CWH43: variants seen among roughly 807,000 people sequenced by gnomAD.
The protein encoded by CWH43 is cell wall biogenesis 43 C-terminal homolog.
In CWH43, 91 loss-of-function variants were observed where a neutral mutation model predicts 85.7. That is an observed-to-expected ratio of 1.06 (90% confidence interval 0.90 to 1.26). The LOEUF (loss-of-function observed/expected upper bound fraction) is 1.26. CWH43 is among the 50% of genes most tolerant of loss of function. The pLI, the probability that CWH43 is intolerant of heterozygous loss-of-function variation, is 0.00. For synonymous variants in CWH43, 323 were observed against 293.6 expected (o/e 1.10, Z -1.02); for missense variants, 869 against 839.2 (o/e 1.04, Z -0.44).
At chr4:49,021,443 T>G (rs184406094) in intron 9 of CWH43, among the ~76,000 whole-genome samples, 11 of 152,350 alleles carry the variant, frequency 7.2e-5, no homozygotes, top group African/African-American at 2.2e-4. Flanking sequence ...CATGCTGTTT[T>G]TGTGACTAGG....
intron 9 of CWH43, among the ~76,000 whole-genome samples, chr4:49,022,627 C>T (rs1474922114): frequency 7.2e-5 from 11 of 152,130 alleles, no homozygotes; most frequent in Admixed American, 7.2e-4. Context: ...GGATTGGTAC[C>T]AATTCTTCTT....
chr4:49,044,745 CT>C (rs1440539313), intron 13 of CWH43, 40 bp from the exon 14 acceptor site: 1 of 1,554,874 alleles, frequency 6.4e-7, no homozygotes, highest in East Asian at 2.2e-5. Flanking sequence ...TAGAGCTTTG[CT>C]TTTTATGCTT....
chr4:49,047,424 T>C (rs185442221), intron 14 of CWH43, among the ~76,000 whole-genome samples: 62 of 152,138 alleles, frequency 4.1e-4, no homozygotes, highest in African/African-American at 1.4e-3. Flanking sequence ...TTTTAGAAGA[T>C]GATGAGAGTG....
chr4:49,043,453 A>G lies in CWH43; in HGVS notation c.1804-1333A>G, dbSNP rs148093888. On this transcript the variant is annotated intron_variant, in intron 13 of 15. Transcript: ENST00000226432. ...TATTAAGGAAGGAGAATTTGATTTG[A>G]TTTTCATCTAATCCTCTCTTGGTTT... Among the ~76,000 whole-genome samples, 33 of 152,282 alleles carry G rather than the reference A, an allele frequency of 2.2e-4. No homozygotes were observed. The South Asian group carries it at 4.1e-3, about 19-fold the overall frequency.
chr4:49,000,831 C>A (rs1397607897), intron 6 of CWH43, among the ~76,000 whole-genome samples: 1 of 92,496 alleles, frequency 1.1e-5, no homozygotes, highest in Non-Finnish European at 3.1e-5. Context: ...TAAATAGTAG[C>A]TTTAAAGACT....
At chr4:49,043,114 T>A (rs542363513) in intron 13 of CWH43, among the ~76,000 whole-genome samples, 1 of 152,286 alleles carries the variant, frequency 6.6e-6, no homozygotes, top group African/African-American at 2.4e-5. Flanking sequence ...GAAAGTTACT[T>A]AGCCTTTCTG....
chr4:49,032,432 C>A (rs1577691340), intron 11 of CWH43, 134 bp from the exon 12 acceptor site: 1 of 925,216 alleles, frequency 1.1e-6, no homozygotes, highest in East Asian at 2.4e-5. Flanking sequence ...TAAGTCTCTG[C>A]CGCATTGCTT....
rs1462373847 is a variant in CWH43, at chr4:49,017,231, T to C, written c.1187-18T>C. 17 of 1,592,146 alleles carry C rather than the reference T, an allele frequency of 1.1e-5. No homozygotes were observed. Among genetic ancestry groups the C allele is most frequent in the Non-Finnish European group, 1.5e-5 (17 of 1,169,288 alleles). ...TATTTATTTTAAAAAAACCCAATTA[T>C]TTCTTTTTTCTGTTTAGTTCTGTGG... is the stretch of plus-strand genomic sequence containing the variant. On this transcript the variant is annotated intron_variant, in intron 8 of 15. Coordinates refer to ENST00000226432, the MANE Select transcript of CWH43 (RefSeq NM_025087.3).
In CWH43 at chr4:48,994,831, G is replaced by T. The variant is rs1782762410; in HGVS notation, c.713+11G>T. 3 of 1,612,510 alleles carry T rather than the reference G, an allele frequency of 1.9e-6. No individual in the cohort carries two copies. Among genetic ancestry groups the T allele is most frequent in the Non-Finnish European group, 2.5e-6 (3 of 1,179,280 alleles). On this transcript the variant is annotated intron_variant, in intron 5 of 15. Transcript: ENST00000226432. The stretch of plus-strand genomic sequence containing the variant: ...TCCTAACCCATTTGGGTGAGTTTGG[G>T]TTTGGAAGCAATCACAAAATCGGCA...
At chr4:49,043,298 T>C (rs1230497556) in intron 13 of CWH43, among the ~76,000 whole-genome samples, 2 of 152,190 alleles carry the variant, frequency 1.3e-5, no homozygotes, top group African/African-American at 2.4e-5. Context: ...AAGTACATGG[T>C]CTATGAAGCA....
At chr4:49,017,188 A>G in intron 8 of CWH43, 61 bp from the exon 9 acceptor site, 2 of 1,438,712 alleles carry the variant, frequency 1.4e-6, no homozygotes, top group Non-Finnish European at 1.9e-6. Flanking sequence ...GGTCAGTGTC[A>G]GCAAATTTAT....
intron 9 of CWH43, among the ~76,000 whole-genome samples, chr4:49,026,972 C>A (rs1783935809): frequency 6.6e-6 from 1 of 152,178 alleles, no homozygotes; most frequent in Non-Finnish European, 1.5e-5. Flanking sequence ...AAACTGTTTT[C>A]CATTGTGATT....
chr4:48,994,990 A>G lies in CWH43; in HGVS notation c.713+170A>G, dbSNP rs1247227166. ...TGTGCTCTGGAGAGAAGGGCACTAGAAGGGTCTTTTCCTCTGTGCAGAAGG... is the reference window on the plus strand; with the variant it reads ...TGTGCTCTGGAGAGAAGGGCACTAGGAGGGTCTTTTCCTCTGTGCAGAAGG... On this transcript the variant is annotated intron_variant, in intron 5 of 15. Coordinates refer to ENST00000226432, the MANE Select transcript of CWH43 (RefSeq NM_025087.3). Among the ~76,000 whole-genome samples the G allele has an allele frequency of 2.6e-5, 4 of 152,322 alleles. No individual in the cohort carries two copies. In the East Asian group the frequency reaches 5.8e-4, roughly 22 times the overall value.
At chr4:49,013,575 G>T (rs1360321775) in intron 8 of CWH43, among the ~76,000 whole-genome samples, 1 of 152,160 alleles carries the variant, frequency 6.6e-6, no homozygotes. Context: ...CTTCTGTGTC[G>T]ATCATGCTGG....
intron 8 of CWH43, chr4:49,016,699 T>G (rs1472693386): frequency 1.7e-5 from 13 of 770,764 alleles, no homozygotes; most frequent in Non-Finnish European, 2.7e-5. Context: ...CCATTCACCT[T>G]ATCTGTGATG....
rs114176292 is a variant in CWH43, at chr4:49,060,298, G to T, written c.2022-1514G>T. Reference sequence around the variant, plus strand: ...ACCACAGGGCTGGCCTGGAGCTGGGGTAGGCATAAAGGCTGGGTCCATGTG... The same window carrying T: ...ACCACAGGGCTGGCCTGGAGCTGGGTTAGGCATAAAGGCTGGGTCCATGTG... On this transcript the variant is annotated intron_variant, in intron 15 of 15. Transcript: ENST00000226432. 2.0e-3 allele frequency among the ~76,000 whole-genome samples: 305 copies of T among 152,288 alleles called. 2 individuals are homozygous for T. The highest frequency in any genetic ancestry group is 7.2e-3 in the African/African-American group (301 of 41,558).
At chr4:49,031,609 G>A (rs1282304736) in intron 11 of CWH43, among the ~76,000 whole-genome samples, 2 of 152,160 alleles carry the variant, frequency 1.3e-5, no homozygotes, top group Non-Finnish European at 2.9e-5. Context: ...AGCCACTGGA[G>A]GATTTTAAAC....
At chr4:49,040,230 G>A (rs1176783506) in intron 13 of CWH43, among the ~76,000 whole-genome samples, 1 of 152,174 alleles carries the variant, frequency 6.6e-6, no homozygotes, top group East Asian at 1.9e-4. Context: ...CTTAATAGCA[G>A]CATGATTTAT....
Position 49,062,051 on chromosome 4 carries a change from A to G in CWH43, c.*161A>G. On this transcript the variant is annotated 3_prime_UTR_variant, in exon 16 of 16. Coordinates refer to ENST00000226432, the MANE Select transcript of CWH43 (RefSeq NM_025087.3). ...GGGAAATTACCTCCATTTGTAAACT[A>G]TGTTGCTTAATAAAAACATTTCTCT... 2.6e-6 allele frequency: 1 copy of G among 386,536 alleles called. No homozygotes were observed. The highest frequency in any genetic ancestry group is 4.2e-6 in the Non-Finnish European group (1 of 239,000). 23.9% of individuals were successfully genotyped at this position (386,536 alleles called of 1,614,324 possible).
Sources: allele counts gnomAD v4.1 joint callset (sites outside exome capture counted in the v4.1 genomes callset), GRCh38; gene constraint gnomAD v4.1.1; transcripts MANE v1.5; gene names NCBI Gene and HGNC (gene_info 2026-07-23, HGNC 2026-07-21).